The following HMG20A variants were observed in gnomAD, a reference collection of about 807,000 sequenced individuals.
The protein encoded by HMG20A is high mobility group 20A, also known as high mobility group protein 20A.
A neutral mutation model predicts 43.9 loss-of-function variants in HMG20A; 17 were observed. That is an observed-to-expected ratio of 0.39 (90% CI 0.27 to 0.58). HMG20A has a LOEUF of 0.58. Ranked by LOEUF, HMG20A falls within the 20% of genes least tolerant of loss-of-function variation. HMG20A has a pLI of 0.59. For synonymous variants in HMG20A, 132 were observed against 147.5 expected, an observed-to-expected ratio of 0.89 and a Z score of 0.76; for missense variants, 341 against 438.2, an observed-to-expected ratio of 0.78 and a Z score of 1.98.
the HMG20A span, among the ~76,000 whole-genome samples, chr15:77,495,929 C>A: frequency 6.6e-6 from 1 of 152,186 alleles, no homozygotes; most frequent in East Asian, 1.9e-4. Flanking sequence ...GGTGGCTGTC[C>A]TGCAGACAGG....
At chr15:77,441,472 T>C (rs796358729) in intron 1 of HMG20A, among the ~76,000 whole-genome samples, 38 of 152,306 alleles carry the variant, frequency 2.5e-4, no homozygotes, top group African/African-American at 8.7e-4. Flanking sequence ...TTCTATGTAG[T>C]CTGACAGCTA....
At chr15:77,472,009 A>G (rs2072813935) in intron 6 of HMG20A, among the ~76,000 whole-genome samples, 195 bp downstream of exon 6, 1 of 152,040 alleles carries the variant, frequency 6.6e-6, no homozygotes, top group Non-Finnish European at 1.5e-5. Flanking sequence ...TCATTGAACT[A>G]CAGCCCCTAA....
At chr15:77,509,712 C>G in the HMG20A span, among the ~76,000 whole-genome samples, 1 of 151,466 alleles carries the variant, frequency 6.6e-6, no homozygotes, top group East Asian at 2.0e-4. Context: ...TTGAGACCAG[C>G]CTGGCCAACA....
the HMG20A span, among the ~76,000 whole-genome samples, chr15:77,505,817 A>C: frequency 1.3e-5 from 2 of 152,254 alleles, no homozygotes; most frequent in Admixed American, 6.5e-5. Flanking sequence ...TCCCGGGAGT[A>C]GATGGCAGAG....
the HMG20A span, among the ~76,000 whole-genome samples, chr15:77,497,767 ATACTT>A: frequency 4.6e-5 from 7 of 151,944 alleles, no homozygotes; most frequent in African/African-American, 2.4e-5. Flanking sequence ...CTGGTGAACT[ATACTT>A]GGACAGCCTT....
At chr15:77,507,244 A>G in the HMG20A span, among the ~76,000 whole-genome samples, 3 of 152,066 alleles carry the variant, frequency 2.0e-5, no homozygotes, top group Admixed American at 2.0e-4. Context: ...CTCTCCGTGC[A>G]TCATGTTGGT....
chr15:77,467,943 G>A (rs958637449), intron 4 of HMG20A, among the ~76,000 whole-genome samples: 1 of 152,204 alleles, frequency 6.6e-6, no homozygotes, highest in African/African-American at 2.4e-5. Context: ...GCTGCTTTGG[G>A]TTAAAAGTTC....
rs774982088 is a variant in HMG20A, at chr15:77,464,383, A to G, written c.233A>G (p.Asp78Gly). 2.5e-6 allele frequency: 4 copies of G among 1,613,468 alleles called. No individual in the cohort carries two copies. The highest frequency in any genetic ancestry group is 3.4e-6 in the Non-Finnish European group (4 of 1,179,550). Reference protein sequence around the residue: ...AAEGNEQRHEDEQRSKRGGWS... With the variant: ...AAEGNEQRHEGEQRSKRGGWS... ...GAAGGCAATGAACAGAGGCATGAAG[A>G]TGAGGTAAGCTGAAGTATCTCCTTC... The change falls in exon 3 of 10, where the codon GAT (aspartate) becomes GGT (glycine). Residue 78 changes from aspartate to glycine, a missense_variant. Physicochemically the swap from Asp to Gly is moderately conservative, Grantham distance 94. Coordinates refer to ENST00000336216, the MANE Select transcript of HMG20A (RefSeq NM_001304504.2).
chr15:77,519,697 CA>C, the HMG20A span, among the ~76,000 whole-genome samples: 5 of 152,062 alleles, frequency 3.3e-5, no homozygotes, highest in Non-Finnish European at 7.4e-5. Flanking sequence ...GAACTGCAAG[CA>C]AAAAAATTCT....
At chr15:77,444,042 A>G (rs1026184658) in intron 1 of HMG20A, among the ~76,000 whole-genome samples, 1 of 152,160 alleles carries the variant, frequency 6.6e-6, no homozygotes, top group Non-Finnish European at 1.5e-5. Context: ...CTTATAATCC[A>G]TATACTTTCT....
chr15:77,447,033 C>T (rs1440494334), intron 1 of HMG20A, among the ~76,000 whole-genome samples: 3 of 152,106 alleles, frequency 2.0e-5, no homozygotes, highest in Non-Finnish European at 2.9e-5. Context: ...ACCTTTTTAC[C>T]GTTTCATAGT....
chr15:77,449,908 G>A (rs911339134), intron 1 of HMG20A, among the ~76,000 whole-genome samples: 7 of 152,070 alleles, frequency 4.6e-5, no homozygotes, highest in Non-Finnish European at 5.9e-5. Context: ...ATTGTATCAC[G>A]TAGAAAGTTT....
the HMG20A span, among the ~76,000 whole-genome samples, chr15:77,507,795 G>A: frequency 6.6e-6 from 1 of 152,166 alleles, no homozygotes; most frequent in South Asian, 2.1e-4. Flanking sequence ...CTCCAACAGA[G>A]ACAGCTGACT....
chr15:77,448,540 C>A (rs2073700266), intron 1 of HMG20A, among the ~76,000 whole-genome samples: 1 of 152,134 alleles, frequency 6.6e-6, no homozygotes, highest in African/African-American at 2.4e-5. Context: ...CTGTTCCTAA[C>A]CTCTTTCCCT....
intron 1 of HMG20A, among the ~76,000 whole-genome samples, chr15:77,455,941 T>C (rs1364017884): frequency 6.6e-6 from 1 of 152,186 alleles, no homozygotes; most frequent in African/African-American, 2.4e-5. Context: ...TGGGTTTCAC[T>C]GCACTTTTCT....
the HMG20A span, among the ~76,000 whole-genome samples, chr15:77,497,653 AAT>A: frequency 1.5e-4 from 14 of 91,374 alleles, no homozygotes; most frequent in Admixed American, 1.3e-3. Context: ...AAGAGATATT[AAT>A]AGAGAGAGAG....
chr15:77,516,147 C>T, the HMG20A span, among the ~76,000 whole-genome samples: 1 of 152,162 alleles, frequency 6.6e-6, no homozygotes, highest in Admixed American at 6.5e-5. Context: ...ATTGATGGTG[C>T]TCTGATTTCA....
At chr15:77,479,382 G>A in intron 9 of HMG20A, 61 bp downstream of exon 9, 1 of 1,517,586 alleles carries the variant, frequency 6.6e-7, no homozygotes, top group Non-Finnish European at 9.0e-7. Context: ...GATGTCATCA[G>A]ACTTTATCAA....
At chr15:77,498,651 C>A in the HMG20A span, among the ~76,000 whole-genome samples, 2 of 152,178 alleles carry the variant, frequency 1.3e-5, no homozygotes, top group African/African-American at 4.8e-5. Context: ...TGAAGCAGGT[C>A]TCCTCAGCTC....
Sources: gnomAD v4.1 joint callset for allele counts (sites outside exome capture counted in the v4.1 genomes callset) on GRCh38, gnomAD v4.1.1 for gene constraint, MANE v1.5 for transcripts, NCBI Gene and HGNC (gene_info 2026-07-23, HGNC 2026-07-21) for gene names.